Variants in ERCC6L2 observed in about 807,000 individuals in gnomAD.
ERCC6L2 encodes DNA excision repair protein ERCC-6-like 2.
In ERCC6L2, 77 loss-of-function variants were observed where a neutral mutation model predicts 132.0. The observed-to-expected ratio is 0.58, with a 90% CI of 0.49 to 0.71. The LOEUF (loss-of-function observed/expected upper bound fraction) is 0.71. Among genes scored for constraint, ERCC6L2 ranks in the 30% least tolerant of loss-of-function variants. The pLI is 0.00. For missense variants in ERCC6L2, 1,542 were observed against 1,837.6 expected, an observed-to-expected ratio of 0.84 and a Z score of 2.94; for synonymous variants, 583 against 632.4, an observed-to-expected ratio of 0.92 and a Z score of 1.17.
chr9:95,919,978 C>T lies in ERCC6L2; in HGVS notation c.1159-1197C>T, dbSNP rs549823520. On this transcript the variant is annotated intron_variant, in intron 6 of 18. Transcript: ENST00000653738. Reference sequence around the variant, plus strand: ...AAAGCAGTGCCAGAAAACAAATTGACATTAAATAATGTGGCAGAGGGATTC... The same window carrying T: ...AAAGCAGTGCCAGAAAACAAATTGATATTAAATAATGTGGCAGAGGGATTC... Among the ~76,000 whole-genome samples, 4 of 152,310 alleles carry T rather than the reference C, an allele frequency of 2.6e-5. No individual in the cohort carries two copies. The East Asian group carries it at 7.7e-4, about 29-fold the overall frequency.
chr9:95,929,533 A>G (rs1309505721), intron 11 of ERCC6L2, among the ~76,000 whole-genome samples: 9 of 152,196 alleles, frequency 5.9e-5, no homozygotes, highest in Non-Finnish European at 1.3e-4. Context: ...ATTTCAATGG[A>G]CTTTAAAAAT....
At chr9:95,907,950 A>G (rs1031184608) in intron 4 of ERCC6L2, among the ~76,000 whole-genome samples, 5 of 152,090 alleles carry the variant, frequency 3.3e-5, no homozygotes, top group Admixed American at 6.6e-5. Flanking sequence ...GATTATAGAG[A>G]GTATTGGAAG....
intron 17 of ERCC6L2, among the ~76,000 whole-genome samples, chr9:95,998,876 T>G (rs1442653122): frequency 9.2e-5 from 14 of 152,260 alleles, no homozygotes; most frequent in Non-Finnish European, 1.8e-4. Flanking sequence ...AGTTTATACA[T>G]GTAACCTTTA....
intron 2 of ERCC6L2, among the ~76,000 whole-genome samples, chr9:95,890,265 A>G (rs1828088456): frequency 6.6e-6 from 1 of 152,232 alleles, no homozygotes; most frequent in African/African-American, 2.4e-5. Flanking sequence ...TGAATTGGAT[A>G]ACATTATGGT....
intron 17 of ERCC6L2, among the ~76,000 whole-genome samples, chr9:95,986,239 G>T (rs753379724): frequency 1.3e-5 from 2 of 152,132 alleles, no homozygotes; most frequent in Admixed American, 1.3e-4. Flanking sequence ...ATCAAAAATT[G>T]GGCTATATAG....
At chr9:95,940,965 T>C (rs1830771232) in intron 11 of ERCC6L2, among the ~76,000 whole-genome samples, 1 of 152,202 alleles carries the variant, frequency 6.6e-6, no homozygotes, top group South Asian at 2.1e-4. Flanking sequence ...TGCCATTCCT[T>C]AGGCCTTGTA....
At chr9:95,907,855 ACC>A (rs374278292) in intron 4 of ERCC6L2, among the ~76,000 whole-genome samples, 10 of 103,660 alleles carry the variant, frequency 9.6e-5, no homozygotes, top group African/African-American at 2.4e-4. Flanking sequence ...ACACACACAC[ACC>A]CCCACACCCA....
intron 1 of ERCC6L2, chr9:95,876,860 G>GT (rs2132488991): frequency 6.6e-6 from 1 of 152,360 alleles, no homozygotes; most frequent in East Asian, 1.9e-4. Context: ...TGATGACGCT[G>GT]TAATTCAGGG....
chr9:95,955,376 A>G (rs1831549388), intron 12 of ERCC6L2, among the ~76,000 whole-genome samples: 1 of 152,140 alleles, frequency 6.6e-6, no homozygotes, highest in South Asian at 2.1e-4. Flanking sequence ...ACATACTTCA[A>G]GTATACAATT....
At position 95,987,743 on chromosome 9, in the gene ERCC6L2, G is replaced by C. The variant is rs377197106; in HGVS notation, c.3492+9528G>C. Among the ~76,000 whole-genome samples the C allele has an allele frequency of 4.4e-3, 670 of 152,250 alleles. 9 individuals carry two copies. Among genetic ancestry groups the C allele is most frequent in the African/African-American group, 0.015 (619 of 41,542 alleles). On this transcript the variant is annotated intron_variant, in intron 17 of 18. Coordinates refer to ENST00000653738, the MANE Select transcript of ERCC6L2 (RefSeq NM_020207.7). ...TGGCCCTCTTCTCACACCTCCACTAGGCAGTGCCCTATTGGGAACTCTGTG... is the reference window on the plus strand; with the variant it reads ...TGGCCCTCTTCTCACACCTCCACTACGCAGTGCCCTATTGGGAACTCTGTG...
intron 9 of ERCC6L2, among the ~76,000 whole-genome samples, chr9:95,925,298 A>T (rs1217513177): frequency 2.0e-5 from 3 of 152,300 alleles, no homozygotes; most frequent in Non-Finnish European, 4.4e-5. Context: ...CTCTTGAGAA[A>T]TGCCGCAGAG....
intron 12 of ERCC6L2, among the ~76,000 whole-genome samples, chr9:95,947,486 T>A (rs1441716628): frequency 5.9e-5 from 9 of 152,198 alleles, no homozygotes. Flanking sequence ...AAGCAGCAAG[T>A]GTTGATGTAG....
At chr9:95,931,640 G>A (rs1830343058) in intron 11 of ERCC6L2, among the ~76,000 whole-genome samples, 4 of 152,084 alleles carry the variant, frequency 2.6e-5, no homozygotes, top group Admixed American at 2.6e-4. Context: ...GATCTTTGAA[G>A]GGCTTGCAGC....
intron 19 of ERCC6L2, among the ~76,000 whole-genome samples, chr9:96,030,471 G>A (rs1834442060): frequency 6.6e-6 from 1 of 152,088 alleles, no homozygotes; most frequent in Non-Finnish European, 1.5e-5. Context: ...GCCAAAGCAG[G>A]CGGATCACGA....
At chr9:95,993,181 T>C (rs541203115) in intron 17 of ERCC6L2, among the ~76,000 whole-genome samples, 2 of 152,306 alleles carry the variant, frequency 1.3e-5, no homozygotes, top group Admixed American at 1.3e-4. Flanking sequence ...ATCCCCAAGA[T>C]GATCCTCAGA....
At chr9:95,887,225 G>T (rs1011951935) in intron 2 of ERCC6L2, among the ~76,000 whole-genome samples, 6 of 151,760 alleles carry the variant, frequency 4.0e-5, no homozygotes, top group African/African-American at 1.5e-4. Flanking sequence ...CTGCCTGGGG[G>T]TGTCAAAGAA....
intron 12 of ERCC6L2, among the ~76,000 whole-genome samples, chr9:95,949,330 T>G (rs1831216703): frequency 6.6e-6 from 1 of 151,818 alleles, no homozygotes. Flanking sequence ...TGAGGGAAAA[T>G]ATGGATATAC....
intron 17 of ERCC6L2, among the ~76,000 whole-genome samples, chr9:95,982,565 G>A (rs891133880): frequency 4.6e-5 from 7 of 151,948 alleles, no homozygotes; most frequent in African/African-American, 1.4e-4. Context: ...CAAGGTTTAT[G>A]GTTTCAGCAT....
chr9:95,990,743 A>C (rs1310551338), intron 17 of ERCC6L2, among the ~76,000 whole-genome samples: 3 of 152,208 alleles, frequency 2.0e-5, no homozygotes, highest in Non-Finnish European at 4.4e-5. Context: ...AGTGTGTTAC[A>C]ACCAATGCAC....
Sources: gnomAD v4.1 joint callset for allele counts (sites outside exome capture counted in the v4.1 genomes callset) on GRCh38, gnomAD v4.1.1 for gene constraint, MANE v1.5 for transcripts, NCBI Gene and HGNC (gene_info 2026-07-23, HGNC 2026-07-21) for gene names.